PCDHGB1: variants seen among roughly 807,000 people sequenced by gnomAD.
The protein encoded by PCDHGB1 is protocadherin gamma subfamily B, 1.
PCDHGB1 carries 34 observed loss-of-function variants against 56.6 expected under a neutral mutation model. The ratio of observed to expected loss-of-function variants is 0.60; its 90% confidence interval spans 0.46 to 0.80. The LOEUF is 0.80. Among genes scored for constraint, PCDHGB1 ranks in the 30% least tolerant of loss-of-function variants. The pLI is 0.00. For synonymous variants in PCDHGB1, 561 were observed against 505.9 expected, an observed-to-expected ratio of 1.11 and a Z score of -1.46; for missense variants, 1,278 against 1,204.6, an observed-to-expected ratio of 1.06 and a Z score of -0.90.
chr5:141,490,421 C>T lies in PCDHGB1; in HGVS notation c.2410-4386C>T. On this transcript the variant is annotated intron_variant, in intron 1 of 3. Coordinates refer to ENST00000523390, the MANE Select transcript of PCDHGB1 (RefSeq NM_018922.3). The surrounding 1 kb of genome is among the most constrained non-coding windows in gnomAD (Gnocchi z 5.4). ...AGCCTTGATATCTCTCCGGACCTGCCATTTCAGATTAAGCCTTCTGAGAAC... is the reference window on the plus strand; with the variant it reads ...AGCCTTGATATCTCTCCGGACCTGCTATTTCAGATTAAGCCTTCTGAGAAC... 1 of 1,614,192 alleles carries T rather than the reference C, an allele frequency of 6.2e-7. No homozygotes were observed. The highest frequency in any genetic ancestry group is 8.5e-7 in the Non-Finnish European group (1 of 1,180,016).
chr5:141,393,214 A>G, intron 1 of PCDHGB1: 1 of 1,613,636 alleles, frequency 6.2e-7, no homozygotes, highest in East Asian at 2.2e-5. Flanking sequence ...CCAAAATTCC[A>G]GGTCGAAGAT....
chr5:141,431,991 A>T lies in PCDHGB1; in HGVS notation c.2410-62816A>T, dbSNP rs1046547219. On this transcript the variant is annotated intron_variant, in intron 1 of 3. Transcript: ENST00000523390. The surrounding 1 kb of genome is among the most constrained non-coding windows in gnomAD (Gnocchi z 4.8). ...AGTTTAGTCACAGACATAGTCTTGG[A>T]TAGGGAACAGGTTCCTAGCTACAAC... is the stretch of plus-strand genomic sequence containing the variant. 5 of 1,614,100 alleles carry T rather than the reference A, an allele frequency of 3.1e-6. No individual in the cohort carries two copies. Among genetic ancestry groups the T allele is most frequent in the Non-Finnish European group, 3.4e-6 (4 of 1,180,050 alleles).
intron 1 of PCDHGB1, chr5:141,400,584 A>G (rs745551734): frequency 1.9e-6 from 3 of 1,609,038 alleles, no homozygotes; most frequent in Non-Finnish European, 8.5e-7. Flanking sequence ...TATTTACATG[A>G]AACTATCGTA....
chr5:141,352,261 AT>A lies in PCDHGB1; in HGVS notation c.2003del (p.Leu668CysfsTer27). ...TCTTCGCGGATAGCCTGCAAGAGGTATTGCCAGACCTCAGCGACCGCCCTGA... is the reference window on the plus strand; with the variant it reads ...TCTTCGCGGATAGCCTGCAAGAGGTATGCCAGACCTCAGCGACCGCCCTGA... Reference protein sequence around the residue: ...LIFADSLQEVLPDLSDRPEPS... With the variant: ...LIFADSLQEVXPDLSDRPEPS... On this transcript the variant is annotated frameshift_variant, in exon 1 of 4. Coordinates refer to ENST00000523390, the MANE Select transcript of PCDHGB1 (RefSeq NM_018922.3). LOFTEE classifies it high-confidence loss of function. 3 of 1,614,060 alleles carry A rather than the reference AT, an allele frequency of 1.9e-6. No homozygotes were observed. The highest frequency in any genetic ancestry group is 2.5e-6 in the Non-Finnish European group (3 of 1,179,888).
intron 1 of PCDHGB1, among the ~76,000 whole-genome samples, chr5:141,460,983 G>GTA (rs59296681): frequency 9.4e-4 from 130 of 137,840 alleles, no homozygotes; most frequent in Middle Eastern, 3.8e-3. Context: ...GTGTGTGTGT[G>GTA]TATATATATA....
chr5:141,487,802 C>T lies in PCDHGB1; in HGVS notation c.2410-7005C>T, dbSNP rs765438219. The T allele has an allele frequency of 9.5e-6, 14 of 1,477,306 alleles. No individual in the cohort carries two copies. The South Asian group carries it at 1.7e-4, about 18-fold the overall frequency. 91.5% of individuals were successfully genotyped at this position (1,477,306 alleles called of 1,614,324 possible). A position where few individuals can be genotyped will look rare whatever the true frequency, so the allele number is the denominator to read the frequency against. ...TTTCGTGAATTAACCAGAGTTGTCACAGTTTAGCATTGGGGGCGGGTCATG... is the reference window on the plus strand; with the variant it reads ...TTTCGTGAATTAACCAGAGTTGTCATAGTTTAGCATTGGGGGCGGGTCATG... On this transcript the variant is annotated intron_variant, in intron 1 of 3. Transcript: ENST00000523390. The surrounding 1 kb of genome is among the most constrained non-coding windows in gnomAD (Gnocchi z 5.0).
Position 141,352,075 on chromosome 5 carries a change from G to T in PCDHGB1, c.1815G>T (p.Leu605=). ...GHNAWLSYHV[L]QASEPGLFSL... ...ACGCTTGGCTGTCCTACCACGTGCT[G>T]CAGGCCAGCGAGCCCGGGCTCTTCA... The change falls in exon 1 of 4, where the codon CTG becomes CTT. Residue 605 remains leucine (L), a synonymous_variant. Transcript: ENST00000523390. 6.2e-7 allele frequency: 1 copy of T among 1,604,858 alleles called. No individual in the cohort carries two copies. Among genetic ancestry groups the T allele is most frequent in the East Asian group, 2.2e-5 (1 of 44,756 alleles).
intron 1 of PCDHGB1, chr5:141,419,265 C>G: frequency 6.2e-7 from 1 of 1,614,040 alleles, no homozygotes; most frequent in Non-Finnish European, 8.5e-7. Context: ...CAGCCGGGTG[C>G]CTCCATAGCG....
intron 1 of PCDHGB1, chr5:141,375,919 C>T: frequency 1.2e-6 from 2 of 1,613,730 alleles, no homozygotes; most frequent in East Asian, 2.2e-5. Context: ...TCAAGGCCAG[C>T]GAGCCAGGAC....
chr5:141,510,428 G>A (rs1254357998), intron 3 of PCDHGB1, among the ~76,000 whole-genome samples: 2 of 152,092 alleles, frequency 1.3e-5, no homozygotes, highest in African/African-American at 4.8e-5. Flanking sequence ...TGGTTTCATG[G>A]CTGCTGCCCT....
intron 1 of PCDHGB1, chr5:141,388,395 C>A (rs1445370262): frequency 2.5e-6 from 4 of 1,613,810 alleles, no homozygotes; most frequent in African/African-American, 2.7e-5. Flanking sequence ...GCAGAATTAC[C>A]AACTCAGTCC....
intron 1 of PCDHGB1, chr5:141,420,280 T>C: frequency 6.6e-7 from 1 of 1,513,274 alleles, no homozygotes; most frequent in Non-Finnish European, 8.9e-7. Context: ...AACAGGTAAG[T>C]ATTTAAAAAT....
chr5:141,351,646 A>ACCTGGCG lies in PCDHGB1; in HGVS notation c.1390_1396dup (p.Ser466TrpfsTer28). 1 of 1,613,926 alleles carries ACCTGGCG rather than the reference A, an allele frequency of 6.2e-7. No homozygotes were observed. Among genetic ancestry groups the ACCTGGCG allele is most frequent in the Non-Finnish European group, 8.5e-7 (1 of 1,179,874 alleles). ...TGGTCCACGTGTCTGAGAACAACCCACCTGGCGCCTCCATTGCACAAGTAA... is the reference window on the plus strand; with the variant it reads ...TGGTCCACGTGTCTGAGAACAACCCACCTGGCGCCTGGCGCCTCCATTGCACAAGTAA... On this transcript the variant is annotated frameshift_variant, in exon 1 of 4. Coordinates refer to ENST00000523390, the MANE Select transcript of PCDHGB1 (RefSeq NM_018922.3). LOFTEE classifies it high-confidence loss of function.
At chr5:141,373,571 C>T (rs1157896176) in intron 1 of PCDHGB1, among the ~76,000 whole-genome samples, 1 of 152,096 alleles carries the variant, frequency 6.6e-6, no homozygotes, top group Non-Finnish European at 1.5e-5. Context: ...ATGGGACTAG[C>T]ATAAATGGTG....
intron 1 of PCDHGB1, chr5:141,423,463 G>C (rs772779471): frequency 1.2e-6 from 2 of 1,613,874 alleles, no homozygotes; most frequent in South Asian, 2.2e-5. Context: ...AGGCGTGGAC[G>C]GGGTACAGGC....
chr5:141,400,175 A>G (rs374505357), intron 1 of PCDHGB1: 1 of 1,613,918 alleles, frequency 6.2e-7, no homozygotes, highest in Non-Finnish European at 8.5e-7. Flanking sequence ...CCCCAGGCTG[A>G]GCTGCAGTTT....
chr5:141,371,352 G>C lies in PCDHGB1; in HGVS notation c.2409+18683G>C, dbSNP rs1005607515. ...GAGAGATAGCTACACAATTGGGGTG[G>C]AAGCAAAGGATGGTGGACATCACAC... On this transcript the variant is annotated intron_variant, in intron 1 of 3. Coordinates refer to ENST00000523390, the MANE Select transcript of PCDHGB1 (RefSeq NM_018922.3). 1.9e-6 allele frequency: 3 copies of C among 1,613,840 alleles called. No individual in the cohort carries two copies. In the African/African-American group the frequency reaches 4.0e-5, roughly 22 times the overall value.
intron 1 of PCDHGB1, chr5:141,400,753 T>C: frequency 1.7e-6 from 1 of 597,232 alleles, no homozygotes; most frequent in Non-Finnish European, 2.9e-6. Flanking sequence ...CTTAGCTTCC[T>C]CTCTAGCAAA....
chr5:141,352,654 T>A lies in PCDHGB1; in HGVS notation c.2394T>A (p.Pro798=). 1.3e-6 allele frequency: 2 copies of A among 1,597,678 alleles called. No homozygotes were observed. Among genetic ancestry groups the A allele is most frequent in the South Asian group, 2.2e-5 (2 of 89,378 alleles). Residue 798 remains proline, a synonymous_variant, in exon 1 of 4, where the codon CCT becomes CCA. Coordinates refer to ENST00000523390, the MANE Select transcript of PCDHGB1 (RefSeq NM_018922.3). The part of the protein sequence containing the change: ...SNEDHKIAYD[P]SLSSHQAPPN... ...AAGATCACAAAATCGCTTATGACCC[T>A]TCTTTGTCTTCGCACGTGAGTTTCT...
Sources: allele counts gnomAD v4.1 joint callset (sites outside exome capture counted in the v4.1 genomes callset), GRCh38; gene constraint gnomAD v4.1.1; non-coding constraint Gnocchi (gnomAD v3.1); transcripts MANE v1.5; gene names NCBI Gene and HGNC (gene_info 2026-07-23, HGNC 2026-07-21).